The following FHIP1A variants were observed in gnomAD, a reference collection of about 807,000 sequenced individuals.
FHIP1A encodes FHF complex subunit HOOK interacting protein 1A.
A neutral mutation model predicts 88.6 loss-of-function variants in FHIP1A; 61 were observed. That is an observed-to-expected ratio of 0.69 (90% CI 0.56 to 0.85). FHIP1A has a LOEUF of 0.85. FHIP1A is among the 40% of genes least tolerant of loss of function. The probability of loss-of-function intolerance (pLI) is 0.00; values close to 1 mark genes in which losing one functional copy is unlikely to be tolerated. For missense variants in FHIP1A, 1,154 were observed against 1,273.5 expected (o/e 0.91, Z 1.43); for synonymous variants, 478 against 496.0 (o/e 0.96, Z 0.48).
At chr4:151,657,670 C>G (rs1737299415) in intron 13 of FHIP1A, among the ~76,000 whole-genome samples, 1 of 152,208 alleles carries the variant, frequency 6.6e-6, no homozygotes, top group Non-Finnish European at 1.5e-5. Flanking sequence ...CTGGCTTTTA[C>G]TTTTCCACAC....
At chr4:151,536,182 G>T (rs939680450) in intron 3 of FHIP1A, among the ~76,000 whole-genome samples, 1 of 152,144 alleles carries the variant, frequency 6.6e-6, no homozygotes, top group African/African-American at 2.4e-5. Flanking sequence ...TATACAGAGA[G>T]ATCCTTCCTA....
intron 2 of FHIP1A, among the ~76,000 whole-genome samples, chr4:151,481,208 A>G (rs1234939735): frequency 6.6e-6 from 1 of 152,014 alleles, no homozygotes; most frequent in Non-Finnish European, 1.5e-5. Flanking sequence ...TGTAATTACA[A>G]CATTGTACCC....
intron 1 of FHIP1A, among the ~76,000 whole-genome samples, chr4:151,439,447 T>C (rs1251039685): frequency 6.6e-6 from 1 of 152,124 alleles, no homozygotes; most frequent in Non-Finnish European, 1.5e-5. Flanking sequence ...ACCTTACCCC[T>C]AGAAGGATTT....
In FHIP1A at chr4:151,656,132, A is replaced by T; in HGVS notation, c.2552-100A>T. On this transcript the variant is annotated intron_variant, in intron 11 of 13. Coordinates refer to ENST00000435205, the MANE Select transcript of FHIP1A (RefSeq NM_001109977.3). The surrounding 1 kb of genome is among the most constrained non-coding windows in gnomAD (Gnocchi z 4.2). ...GTGTCTGGCTTGCACCTGTGGGCCC[A>T]TGGTGGTTTGGGAGATGTGGCACCG... 2 of 938,150 alleles carry T rather than the reference A, an allele frequency of 2.1e-6. No homozygotes were observed. Among genetic ancestry groups the T allele is most frequent in the Non-Finnish European group, 1.6e-6 (1 of 619,938 alleles). 58.1% of individuals were successfully genotyped at this position (938,150 alleles called of 1,614,324 possible).
chr4:151,616,902 C>T (rs1489526649), intron 7 of FHIP1A, among the ~76,000 whole-genome samples: 1 of 152,102 alleles, frequency 6.6e-6, no homozygotes, highest in African/African-American at 2.4e-5. Context: ...CACGGGCCAC[C>T]ACACCCAGCT....
intron 3 of FHIP1A, among the ~76,000 whole-genome samples, chr4:151,564,488 G>A (rs2126768669): frequency 6.6e-6 from 1 of 152,344 alleles, no homozygotes; most frequent in African/African-American, 2.4e-5. Flanking sequence ...ATCACAGGGA[G>A]TGGCAGGGAC....
intron 3 of FHIP1A, among the ~76,000 whole-genome samples, chr4:151,543,391 T>G (rs1007998239): frequency 6.6e-6 from 1 of 152,208 alleles, no homozygotes; most frequent in African/African-American, 2.4e-5. Flanking sequence ...ATGCATGTAA[T>G]AGGCATAGAA....
intron 3 of FHIP1A, among the ~76,000 whole-genome samples, chr4:151,565,280 C>T (rs1284214969): frequency 6.6e-6 from 1 of 152,146 alleles, no homozygotes; most frequent in Admixed American, 6.5e-5. Flanking sequence ...GTCAGTGCCA[C>T]ACAAATGGAT....
chr4:151,539,865 G>A (rs983113223), intron 3 of FHIP1A, among the ~76,000 whole-genome samples: 6 of 152,202 alleles, frequency 3.9e-5, no homozygotes, highest in African/African-American at 1.4e-4. Flanking sequence ...GAATTAATTG[G>A]AAAGACTAAA....
intron 7 of FHIP1A, among the ~76,000 whole-genome samples, chr4:151,620,801 G>A (rs1735710184): frequency 6.8e-6 from 1 of 147,526 alleles, no homozygotes; most frequent in Admixed American, 6.8e-5. Flanking sequence ...GGAGATAATG[G>A]TACCAAACGA....
At chr4:151,640,574 C>CA (rs1241412555) in intron 9 of FHIP1A, among the ~76,000 whole-genome samples, 3 of 152,002 alleles carry the variant, frequency 2.0e-5, no homozygotes, top group African/African-American at 4.8e-5. Flanking sequence ...TTTTTAGTGC[C>CA]AAAAAAACCA....
intron 3 of FHIP1A, among the ~76,000 whole-genome samples, chr4:151,515,050 C>A (rs1166769500): frequency 6.6e-6 from 1 of 151,944 alleles, no homozygotes; most frequent in Non-Finnish European, 1.5e-5. Flanking sequence ...ATGCAAAAAT[C>A]CTCAATAAAA....
chr4:151,524,107 C>T (rs1731544817), intron 3 of FHIP1A, among the ~76,000 whole-genome samples: 1 of 151,936 alleles, frequency 6.6e-6, no homozygotes, highest in Non-Finnish European at 1.5e-5. Context: ...GTCAGGAGAT[C>T]GAGACCATCC....
intron 3 of FHIP1A, among the ~76,000 whole-genome samples, chr4:151,520,405 T>C (rs1731407889): frequency 6.6e-6 from 1 of 152,182 alleles, no homozygotes; most frequent in South Asian, 2.1e-4. Flanking sequence ...TCTGTTCTAT[T>C]GATCTACTTT....
At chr4:151,629,968 CT>C (rs887653977) in intron 8 of FHIP1A, 99 bp downstream of exon 8, 114 of 949,462 alleles carry the variant, frequency 1.2e-4, no homozygotes, top group Middle Eastern at 2.2e-4. Context: ...TTTTGCTCTC[CT>C]TTTTTTTTCT....
At chr4:151,613,622 C>A (rs765822045) in intron 7 of FHIP1A, among the ~76,000 whole-genome samples, 24 of 152,176 alleles carry the variant, frequency 1.6e-4, no homozygotes, top group Admixed American at 4.6e-4. Flanking sequence ...AGTGAAATAT[C>A]TTAAGTGGCA....
intron 7 of FHIP1A, among the ~76,000 whole-genome samples, chr4:151,595,650 G>A (rs991054221): frequency 1.3e-5 from 2 of 152,170 alleles, no homozygotes; most frequent in Non-Finnish European, 2.9e-5. Context: ...CTATTATTGT[G>A]TGGGAGTCTA....
chr4:151,642,057 T>G (rs1736608333), intron 9 of FHIP1A, among the ~76,000 whole-genome samples: 1 of 152,240 alleles, frequency 6.6e-6, no homozygotes, highest in Non-Finnish European at 1.5e-5. Context: ...TTTCTTTCAT[T>G]TGGTGAAATA....
At chr4:151,532,042 A>G (rs1259991273) in intron 3 of FHIP1A, among the ~76,000 whole-genome samples, 2 of 152,256 alleles carry the variant, frequency 1.3e-5, no homozygotes, top group Non-Finnish European at 2.9e-5. Flanking sequence ...GATACGTGGC[A>G]TCGCATATTT....
Sources: gnomAD v4.1 joint callset for allele counts (sites outside exome capture counted in the v4.1 genomes callset) on GRCh38, gnomAD v4.1.1 for gene constraint, Gnocchi (gnomAD v3.1) non-coding constraint, MANE v1.5 for transcripts, NCBI Gene and HGNC (gene_info 2026-07-23, HGNC 2026-07-21) for gene names.